CALN1: variants seen among roughly 807,000 people sequenced by gnomAD.
CALN1 encodes the protein calcium-binding protein 8.
Under a neutral mutation model 30.6 loss-of-function variants are expected in CALN1, and 17 were observed. That is an observed-to-expected ratio of 0.56 (90% CI 0.38 to 0.83). The LOEUF (loss-of-function observed/expected upper bound fraction) is 0.83. Ranked by LOEUF, CALN1 falls within the 40% of genes least tolerant of loss-of-function variation. The pLI is 0.00. For synonymous variants in CALN1, 156 were observed against 131.4 expected, an observed-to-expected ratio of 1.19 and a Z score of -1.28; for missense variants, 291 against 354.9, an observed-to-expected ratio of 0.82 and a Z score of 1.45.
At chr7:72,019,002 A>C (rs1217466355) in intron 5 of CALN1, among the ~76,000 whole-genome samples, 1 of 129,022 alleles carries the variant, frequency 7.8e-6, no homozygotes, top group Non-Finnish European at 1.5e-5. Context: ...ATATCCAGCT[A>C]ATTTTTTTTT....
the CALN1 span, among the ~76,000 whole-genome samples, chr7:72,498,002 A>G: frequency 1.1e-4 from 17 of 152,290 alleles, no homozygotes; most frequent in African/African-American, 4.1e-4. Context: ...CCAAGAAGAA[A>G]TCTTAGAACT....
At chr7:72,064,753 T>C (rs1803900572) in intron 4 of CALN1, among the ~76,000 whole-genome samples, 2 of 152,108 alleles carry the variant, frequency 1.3e-5, no homozygotes, top group Admixed American at 6.6e-5. Flanking sequence ...GTATAATACA[T>C]ATATTCCAAA....
intron 5 of CALN1, among the ~76,000 whole-genome samples, chr7:71,876,823 A>C (rs7785844): frequency 0.58 from 88,570 of 152,132 alleles, 26,748 homozygotes; most frequent in African/African-American, 0.74. Flanking sequence ...GACAGAAACT[A>C]ATGCTCCGAC....
intron 4 of CALN1, among the ~76,000 whole-genome samples, chr7:72,030,760 T>C (rs1801387011): frequency 6.6e-6 from 1 of 152,026 alleles, no homozygotes; most frequent in East Asian, 1.9e-4. Flanking sequence ...TTTTTTTTTT[T>C]CTTAGAGGCA....
intron 3 of CALN1, among the ~76,000 whole-genome samples, chr7:72,230,589 G>A (rs1034026813): frequency 6.6e-6 from 1 of 151,574 alleles, no homozygotes; most frequent in Non-Finnish European, 1.5e-5. Context: ...TGCCTTTGAA[G>A]ATGGAAGAGG....
intron 5 of CALN1, among the ~76,000 whole-genome samples, chr7:71,944,594 C>CAAAAAAAAAAAAA (rs10677940): frequency 1.3e-4 from 8 of 60,000 alleles, no homozygotes; most frequent in South Asian, 9.1e-4. Context: ...AACTCCATCC[C>CAAAAAAAAAAAAA]AAAAAAAAAA....
At chr7:72,481,279 G>A in the CALN1 span, among the ~76,000 whole-genome samples, 1 of 152,128 alleles carries the variant, frequency 6.6e-6, no homozygotes, top group Admixed American at 6.5e-5. Flanking sequence ...GTAGAGACAG[G>A]GTTTCTTCAT....
At chr7:72,462,048 G>A in the CALN1 span, among the ~76,000 whole-genome samples, 5 of 151,738 alleles carry the variant, frequency 3.3e-5, no homozygotes, top group African/African-American at 4.8e-5. Context: ...ATCACTTTGC[G>A]CTTTGGAGTT....
At chr7:72,168,808 T>A (rs200667298) in intron 3 of CALN1, among the ~76,000 whole-genome samples, 8,451 of 84,564 alleles carry the variant, frequency 0.1, 447 homozygotes, top group African/African-American at 0.24. Flanking sequence ...TATTATTATT[T>A]TTTTTTTTTT....
chr7:71,946,785 G>A (rs754945776), intron 5 of CALN1, among the ~76,000 whole-genome samples: 14 of 151,998 alleles, frequency 9.2e-5, no homozygotes, highest in South Asian at 2.1e-4. Context: ...TACCTGACAC[G>A]GTCTGGAATC....
At chr7:71,850,056 T>C (rs937174802) in intron 5 of CALN1, among the ~76,000 whole-genome samples, 1 of 152,272 alleles carries the variant, frequency 6.6e-6, no homozygotes, top group East Asian at 1.9e-4. Flanking sequence ...CCTGCGTGCA[T>C]GGAGGCAAGA....
At chr7:72,422,795 T>C (rs748649953) in intron 1 of CALN1, among the ~76,000 whole-genome samples, 16 of 152,242 alleles carry the variant, frequency 1.1e-4, no homozygotes, top group Admixed American at 1.0e-3. Context: ...TGGTGTCATT[T>C]TGTCTTTATC....
chr7:72,421,633 T>A (rs2129563676), intron 1 of CALN1, among the ~76,000 whole-genome samples: 1 of 139,232 alleles, frequency 7.2e-6, no homozygotes, highest in Admixed American at 7.9e-5. Context: ...GCCAGGCTGG[T>A]GTGCAGTGGC....
chr7:72,474,805 C>T, the CALN1 span, among the ~76,000 whole-genome samples: 1 of 152,196 alleles, frequency 6.6e-6, no homozygotes, highest in Non-Finnish European at 1.5e-5. Flanking sequence ...TGCCTCTTGC[C>T]GCTTCTGCAC....
chr7:72,086,268 C>A (rs1805477078), intron 4 of CALN1, among the ~76,000 whole-genome samples: 1 of 152,062 alleles, frequency 6.6e-6, no homozygotes. Context: ...TGTGATTTCA[C>A]AGAAATATGT....
rs578099566 is a variant in CALN1, at chr7:71,921,652, A to G, written c.501+102005T>C. ...GGCTGAAAAATAAACTATGTAAAAA[A>G]GAAATATCTACCACGTTAGGATTAA... is the stretch of plus-strand genomic sequence containing the variant. On this transcript the variant is annotated intron_variant, in intron 5 of 6. Coordinates refer to ENST00000395275, the MANE Select transcript of CALN1 (RefSeq NM_031468.4). 5.8e-4 allele frequency among the ~76,000 whole-genome samples: 89 copies of G among 152,332 alleles called. 1 individual carries two copies. In the East Asian group the frequency reaches 8.3e-3, roughly 14 times the overall value.
intron 4 of CALN1, among the ~76,000 whole-genome samples, chr7:72,104,366 T>C (rs184379631): frequency 6.6e-6 from 1 of 152,278 alleles, no homozygotes; most frequent in East Asian, 1.9e-4. Context: ...GAATTCCTTT[T>C]TGGAGTGATG....
chr7:72,262,197 A>T (rs1470448135), intron 3 of CALN1, among the ~76,000 whole-genome samples: 1 of 152,184 alleles, frequency 6.6e-6, no homozygotes, highest in African/African-American at 2.4e-5. Context: ...GTATTATAGG[A>T]CACATCTACT....
At chr7:72,392,363 G>C (rs1427753630) in intron 2 of CALN1, among the ~76,000 whole-genome samples, 1 of 152,174 alleles carries the variant, frequency 6.6e-6, no homozygotes, top group Non-Finnish European at 1.5e-5. Flanking sequence ...GTTTGGGGCG[G>C]TTTATTACAA....
Sources: allele counts gnomAD v4.1 joint callset (sites outside exome capture counted in the v4.1 genomes callset), GRCh38; gene constraint gnomAD v4.1.1; transcripts MANE v1.5; gene names NCBI Gene and HGNC (gene_info 2026-07-23, HGNC 2026-07-21).